The following TCF3 variants were observed in gnomAD, a reference collection of about 807,000 sequenced individuals.
TCF3 encodes transcription factor E2-alpha.
A neutral mutation model predicts 72.3 loss-of-function variants in TCF3; 54 were observed. The observed-to-expected ratio is 0.75, with a 90% CI of 0.60 to 0.94. The LOEUF (loss-of-function observed/expected upper bound fraction) is 0.94. Among genes scored for constraint, TCF3 ranks in the 40% least tolerant of loss-of-function variants. The pLI is 0.00. For synonymous variants in TCF3, 525 were observed against 412.6 expected (o/e 1.27, Z -3.30); for missense variants, 1,078 against 934.4 (o/e 1.15, Z -2.00).
rs200774471 is a variant in TCF3 at position 1,619,130 on chromosome 19, C to A, written c.1431G>T (p.Arg477=). The A allele has an allele frequency of 3.1e-6, 5 of 1,599,700 alleles. No individual in the cohort carries two copies. The highest frequency in any genetic ancestry group is 2.5e-6 in the Non-Finnish European group (3 of 1,179,748). The change falls in exon 16 of 19, where the codon CGG becomes CGT. Residue 477 remains arginine (R), a synonymous_variant. Coordinates refer to ENST00000262965, the MANE Select transcript of TCF3 (RefSeq NM_003200.5). ...SQPGTLPDLS[R]PPDSYSGLGR... ...GCTTACCACTGTAGGAGTCGGGAGG[C>A]CGAGACAGGTCAGGGAGGGTGCCTG...
At chr19:1,646,311 G>C in intron 3 of TCF3, 44 bp downstream of exon 3, 3 of 1,537,772 alleles carry the variant, frequency 2.0e-6, no homozygotes, top group Non-Finnish European at 1.8e-6. Flanking sequence ...ACAGACCCTT[G>C]ATCTCCTCAC....
At chr19:1,646,320 A>C in intron 3 of TCF3, 35 bp downstream of exon 3, 1 of 1,543,214 alleles carries the variant, frequency 6.5e-7, no homozygotes, top group Non-Finnish European at 8.8e-7. Context: ...TGATCTCCTC[A>C]CTCCACGAGC....
At chr19:1,647,291 G>T (rs2066270938) in intron 2 of TCF3, among the ~76,000 whole-genome samples, 1 of 152,248 alleles carries the variant, frequency 6.6e-6, no homozygotes, top group Non-Finnish European at 1.5e-5. Context: ...CCTCCGCCCT[G>T]CCCCAAGGGG....
In TCF3 at chr19:1,610,680, G is replaced by C. The variant is rs2060917966; in HGVS notation, c.*1027C>G. 1 of 230,670 alleles carries C rather than the reference G, an allele frequency of 4.3e-6. No individual in the cohort carries two copies. The highest frequency in any genetic ancestry group is 5.6e-5 in the Admixed American group (1 of 17,720). 14.3% of individuals were successfully genotyped at this position (230,670 alleles called of 1,614,324 possible). On this transcript the variant is annotated 3_prime_UTR_variant, in exon 19 of 19. Transcript: ENST00000262965. ...GGAGGGCGTTGTGTAGGGTAGCCCT[G>C]GGGGCCACAGCTGCTTGGCAGAGTC...
chr19:1,637,933 G>C (rs2064679888), intron 3 of TCF3, among the ~76,000 whole-genome samples: 1 of 151,880 alleles, frequency 6.6e-6, no homozygotes, highest in African/African-American at 2.4e-5. Flanking sequence ...AAGAAAAAGA[G>C]ACACAAGAGG....
rs905619938 is a variant in TCF3, at chr19:1,609,595, C to T, written c.*2112G>A. ...AGAGGCTATGGGGCCACTGCCCACC[C>T]AGACCTAGGGGCAGGGCCAGGAGCA... On this transcript the variant is annotated 3_prime_UTR_variant, in exon 19 of 19. Transcript: ENST00000262965. 4.5e-6 allele frequency: 1 copy of T among 221,516 alleles called. No homozygotes were observed. Among genetic ancestry groups the T allele is most frequent in the African/African-American group, 2.2e-5 (1 of 44,516 alleles). The allele number at this position is 221,516 out of a possible 1,614,324, so 13.7% of individuals were successfully genotyped here.
At chr19:1,616,128 T>C (rs901782317) in intron 16 of TCF3, among the ~76,000 whole-genome samples, 2 of 152,210 alleles carry the variant, frequency 1.3e-5, no homozygotes, top group Non-Finnish European at 2.9e-5. Flanking sequence ...AACACTCTTC[T>C]TTTTTGGTGA....
At position 1,646,363 on chromosome 19, in the gene TCF3, C is replaced by A. The variant is rs1600133406; in HGVS notation, c.137G>T (p.Gly46Val). 1.3e-6 allele frequency: 2 copies of A among 1,550,316 alleles called. No individual in the cohort carries two copies. Among genetic ancestry groups the A allele is most frequent in the Admixed American group, 3.9e-5 (2 of 50,968 alleles). ...GGAAGGCGGGGTCCTACCTGAACCT[C>A]CGAACTGCGCCCCGGCCAGGGAGGC... is the stretch of plus-strand genomic sequence containing the variant. ...RPASLAGAQF[G>V]GSGLEDRPSS... Residue 46 changes from glycine (G) to valine (V), a missense_variant, in exon 3 of 19, where the codon GGA becomes GTA. Transcript: ENST00000262965.
At chr19:1,624,924 C>T (rs556955737) in intron 7 of TCF3, among the ~76,000 whole-genome samples, 1 of 152,326 alleles carries the variant, frequency 6.6e-6, no homozygotes, top group African/African-American at 2.4e-5. Flanking sequence ...CAGCTCATTG[C>T]AGCCTCGAAC....
At chr19:1,632,273 CT>C in intron 4 of TCF3, 58 bp downstream of exon 4, 1 of 1,551,594 alleles carries the variant, frequency 6.4e-7, no homozygotes, top group East Asian at 2.4e-5. Flanking sequence ...CCCCACACCC[CT>C]CGCCCCCAAC....
intron 8 of TCF3, among the ~76,000 whole-genome samples, chr19:1,623,594 G>A (rs1044259239): frequency 3.3e-5 from 5 of 152,192 alleles, no homozygotes; most frequent in Admixed American, 1.3e-4. Context: ...ATGTTGACTA[G>A]GCTGATCTAG....
chr19:1,627,610 C>T (rs1374063557), intron 5 of TCF3, among the ~76,000 whole-genome samples, 184 bp from the exon 6 acceptor site: 1 of 152,064 alleles, frequency 6.6e-6, no homozygotes, highest in African/African-American at 2.4e-5. Context: ...CCCCAGTATG[C>T]CCATCTCCCG....
chr19:1,609,944 C>T lies in TCF3; in HGVS notation c.*1763G>A. 8.6e-6 allele frequency: 2 copies of T among 232,700 alleles called. No individual in the cohort carries two copies. The highest frequency in any genetic ancestry group is 1.2e-4 in the East Asian group (2 of 16,506). 14.4% of individuals were successfully genotyped at this position (232,700 alleles called of 1,614,324 possible). ...CCCAGGGGTCCACAAGGCCTCAATG[C>T]AGGGAGGGGCATGAAGGGCACATGA... On this transcript the variant is annotated 3_prime_UTR_variant, in exon 19 of 19. Transcript: ENST00000262965.
At chr19:1,617,645 C>T (rs868850947) in intron 16 of TCF3, among the ~76,000 whole-genome samples, 2 of 152,234 alleles carry the variant, frequency 1.3e-5, no homozygotes, top group African/African-American at 4.8e-5. Context: ...CTGCTCCAAT[C>T]GGCCAACGCC....
At position 1,615,204 on chromosome 19, in the gene TCF3, C is replaced by T. The variant is rs903018634; in HGVS notation, c.1822+81G>A. On this transcript the variant is annotated intron_variant, in intron 18 of 18. Transcript: ENST00000262965. The surrounding 1 kb of genome is among the most constrained non-coding windows in gnomAD (Gnocchi z 7.3). ...AGAGGGAGGGCTGGCTCCAGGAAGG[C>T]GGGCGGGGAAGGAGAACGAGGGCAG... 161 of 1,477,168 alleles carry T rather than the reference C, an allele frequency of 1.1e-4. No homozygotes were observed. Among genetic ancestry groups the T allele is most frequent in the South Asian group, 1.2e-4 (9 of 73,758 alleles). 91.5% of individuals were successfully genotyped at this position (1,477,168 alleles called of 1,614,324 possible).
intron 7 of TCF3, among the ~76,000 whole-genome samples, chr19:1,625,375 G>C (rs540065530): frequency 3.3e-5 from 5 of 152,344 alleles, no homozygotes; most frequent in African/African-American, 1.2e-4. Flanking sequence ...CCTCTCCCTG[G>C]ACGTGCCACG....
intron 6 of TCF3, among the ~76,000 whole-genome samples, chr19:1,626,178 C>T (rs1021556954): frequency 1.3e-4 from 20 of 152,176 alleles, no homozygotes; most frequent in Non-Finnish European, 7.3e-5. Flanking sequence ...AGGCCGGGCA[C>T]GGTGGCTCAC....
intron 18 of TCF3, 26 bp from the exon 19 acceptor site, chr19:1,611,875 G>A: frequency 6.5e-7 from 1 of 1,532,272 alleles, no homozygotes; most frequent in Non-Finnish European, 8.8e-7. Context: ...AGAGCTCTGT[G>A]GGAGACGGTC....
chr19:1,624,062 C>T, intron 7 of TCF3, 62 bp from the exon 8 acceptor site: 2 of 1,542,550 alleles, frequency 1.3e-6, no homozygotes, highest in Non-Finnish European at 8.9e-7. Flanking sequence ...CTGCCCTACA[C>T]CCTGGAGGAG....
Sources: gnomAD v4.1 joint callset for allele counts (sites outside exome capture counted in the v4.1 genomes callset) on GRCh38, gnomAD v4.1.1 for gene constraint, Gnocchi (gnomAD v3.1) non-coding constraint, MANE v1.5 for transcripts, NCBI Gene and HGNC (gene_info 2026-07-23, HGNC 2026-07-21) for gene names.